Variants in SNX6 observed in about 807,000 individuals in gnomAD.
SNX6 encodes sorting nexin 6, also known as sorting nexin-6.
In SNX6, 34 loss-of-function variants were observed where a neutral mutation model predicts 63.0. The observed-to-expected ratio is 0.54, with a 90% confidence interval of 0.41 to 0.72. The LOEUF (loss-of-function observed/expected upper bound fraction) is 0.72, where lower values mean the gene tolerates loss of function less well. Among genes scored for constraint, SNX6 ranks in the 30% least tolerant of loss-of-function variants. The pLI is 0.00. For missense variants in SNX6, 398 were observed against 471.4 expected, an observed-to-expected ratio of 0.84 and a Z score of 1.44; for synonymous variants, 170 against 164.2, an observed-to-expected ratio of 1.04 and a Z score of -0.27.
chr14:34,593,822 C>T (rs529851891), intron 7 of SNX6, among the ~76,000 whole-genome samples: 1 of 152,088 alleles, frequency 6.6e-6, no homozygotes, highest in South Asian at 2.1e-4. Flanking sequence ...TCATGATCCG[C>T]CCACCTCGGC....
chr14:34,604,329 T>C, intron 5 of SNX6: 2 of 1,199,074 alleles, frequency 1.7e-6, no homozygotes, highest in Non-Finnish European at 2.1e-6. Context: ...TTCTTCGATA[T>C]TAATGTGCTC....
At chr14:34,588,880 G>A (rs963461768) in intron 8 of SNX6, among the ~76,000 whole-genome samples, 2 of 152,014 alleles carry the variant, frequency 1.3e-5, no homozygotes, top group South Asian at 2.1e-4. Context: ...ACCTGTAATC[G>A]CTCCCTCCTT....
At chr14:34,605,570 A>T in intron 5 of SNX6, 26 bp downstream of exon 5, 1 of 1,518,378 alleles carries the variant, frequency 6.6e-7, no homozygotes, top group Non-Finnish European at 8.8e-7. Context: ...AAAAAAAAAA[A>T]ACAAAAAAAT....
chr14:34,587,519 C>T (rs1231974904), intron 8 of SNX6, among the ~76,000 whole-genome samples: 9 of 94,648 alleles, frequency 9.5e-5, no homozygotes, highest in Non-Finnish European at 1.5e-4. Flanking sequence ...GGCGACAGAG[C>T]AAGACTCCAT....
intron 4 of SNX6, among the ~76,000 whole-genome samples, chr14:34,607,779 A>G (rs12717240): frequency 0.86 from 130,811 of 152,062 alleles, 56,424 homozygotes; most frequent in Non-Finnish European, 0.88. Context: ...GTGTTGGTGC[A>G]TTATTGTAAT....
At chr14:34,603,497 G>T in intron 5 of SNX6, 26 bp from the exon 6 acceptor site, 1 of 1,525,258 alleles carries the variant, frequency 6.6e-7, no homozygotes, top group Non-Finnish European at 8.8e-7. Context: ...AAAATTAAAG[G>T]TAAAAAACTC....
intron 2 of SNX6, among the ~76,000 whole-genome samples, chr14:34,621,866 GT>G (rs1227716560): frequency 1.3e-5 from 2 of 148,880 alleles, no homozygotes; most frequent in Non-Finnish European, 3.0e-5. Context: ...CTGTTAACTG[GT>G]TTCTTTGTTT....
chr14:34,575,237 T>C (rs1183468789), intron 11 of SNX6, among the ~76,000 whole-genome samples: 2 of 149,164 alleles, frequency 1.3e-5, no homozygotes, highest in Non-Finnish European at 3.0e-5. Context: ...TCGCTCCTGT[T>C]GCCCAGGCTG....
chr14:34,570,228 C>T (rs1174426297), intron 11 of SNX6, among the ~76,000 whole-genome samples: 2 of 151,932 alleles, frequency 1.3e-5, no homozygotes, highest in Admixed American at 6.6e-5. Flanking sequence ...TGCCACCACG[C>T]CTGGCTAATT....
chr14:34,621,041 T>G (rs1054075828), intron 2 of SNX6, among the ~76,000 whole-genome samples: 1 of 152,160 alleles, frequency 6.6e-6, no homozygotes, highest in Non-Finnish European at 1.5e-5. Flanking sequence ...CTCAAACTCC[T>G]GTGATCAAGC....
At chr14:34,594,738 A>G (rs2138324708) in intron 7 of SNX6, among the ~76,000 whole-genome samples, 1 of 152,286 alleles carries the variant, frequency 6.6e-6, no homozygotes, top group African/African-American at 2.4e-5. Flanking sequence ...CTGACAGGAT[A>G]TAATTGGAGA....
At chr14:34,608,387 T>C (rs1451216225) in intron 3 of SNX6, among the ~76,000 whole-genome samples, 2 of 152,178 alleles carry the variant, frequency 1.3e-5, no homozygotes, top group Non-Finnish European at 2.9e-5. Flanking sequence ...GGTCTTGAAC[T>C]CTTGGACTCA....
chr14:34,604,747 A>G (rs1218399003), intron 5 of SNX6, among the ~76,000 whole-genome samples: 2 of 152,180 alleles, frequency 1.3e-5, no homozygotes, highest in African/African-American at 4.8e-5. Flanking sequence ...AAAGTACTCC[A>G]AAATCTGAAA....
rs527788647 is a variant in SNX6 at position 34,611,865 on chromosome 14, G to A, written c.55-2123C>T. Among the ~76,000 whole-genome samples the A allele has an allele frequency of 4.1e-4, 62 of 149,848 alleles. 1 individual carries two copies. The highest frequency in any genetic ancestry group is 1.3e-3 in the African/African-American group (53 of 40,854). On this transcript the variant is annotated intron_variant, in intron 2 of 13. Transcript: ENST00000362031. The stretch of plus-strand genomic sequence containing the variant: ...ACAATCTCGGCTCACTGCAAGCTCC[G>A]CCTCCCGGGTTCACGCCATTCTCCT...
intron 2 of SNX6, 38 bp from the exon 3 acceptor site, chr14:34,609,780 T>G: frequency 7.5e-7 from 1 of 1,325,868 alleles, no homozygotes; most frequent in Non-Finnish European, 1.1e-6. Context: ...GAAAATCATG[T>G]TTTATATAAT....
chr14:34,627,024 A>T (rs1883853693), intron 2 of SNX6, among the ~76,000 whole-genome samples: 1 of 152,240 alleles, frequency 6.6e-6, no homozygotes, highest in East Asian at 1.9e-4. Context: ...AATTTTAAAA[A>T]TTTTTTTAGA....
At chr14:34,565,539 C>T (rs1881139368) in intron 13 of SNX6, among the ~76,000 whole-genome samples, 1 of 152,146 alleles carries the variant, frequency 6.6e-6, no homozygotes, top group Non-Finnish European at 1.5e-5. Flanking sequence ...TTTTTAGACA[C>T]AGAATCTCAC....
chr14:34,602,743 G>A (rs1882868872), intron 6 of SNX6, among the ~76,000 whole-genome samples: 1 of 152,122 alleles, frequency 6.6e-6, no homozygotes, highest in African/African-American at 2.4e-5. Context: ...TTGGGAGGCT[G>A]AGGTGGGTGG....
chr14:34,616,027 C>T (rs1383196213), intron 2 of SNX6, among the ~76,000 whole-genome samples: 1 of 152,188 alleles, frequency 6.6e-6, no homozygotes, highest in Non-Finnish European at 1.5e-5. Flanking sequence ...GTGATCTTGG[C>T]TCACTGCAAT....
Sources: allele counts gnomAD v4.1 joint callset (sites outside exome capture counted in the v4.1 genomes callset), GRCh38; gene constraint gnomAD v4.1.1; transcripts MANE v1.5; gene names NCBI Gene and HGNC (gene_info 2026-07-23, HGNC 2026-07-21).